Variants in C12orf50 observed in about 807,000 individuals in gnomAD.
The protein encoded by C12orf50 is zinc finger CCCH-type containing 11D, also known as uncharacterized protein C12orf50.
A neutral mutation model predicts 61.6 loss-of-function variants in C12orf50; 35 were observed. That is an observed-to-expected ratio of 0.57 (90% CI 0.43 to 0.75). The LOEUF is 0.75. Among genes scored for constraint, C12orf50 ranks in the 30% least tolerant of loss-of-function variants. The probability of loss-of-function intolerance (pLI) is 0.00; values close to 1 mark genes in which losing one functional copy is unlikely to be tolerated. For synonymous variants in C12orf50, 178 were observed against 161.5 expected (o/e 1.10, Z -0.77); for missense variants, 475 against 488.5 (o/e 0.97, Z 0.26).
At chr12:88,026,822 T>C (rs991944114) in intron 2 of C12orf50, 129 bp downstream of exon 2, 23 of 1,433,184 alleles carry the variant, frequency 1.6e-5, no homozygotes, top group South Asian at 2.9e-5. Context: ...GTTGAAAAAA[T>C]TGCAAAATGC....
chr12:88,007,245 AATAT>A, intron 3 of C12orf50, among the ~76,000 whole-genome samples: 1 of 152,198 alleles, frequency 6.6e-6, no homozygotes, highest in Non-Finnish European at 1.5e-5. Context: ...TCTCTTTTAT[AATAT>A]TGTGAAATCT....
intron 7 of C12orf50, among the ~76,000 whole-genome samples, chr12:87,990,047 A>G (rs2031043679): frequency 6.6e-6 from 1 of 152,144 alleles, no homozygotes; most frequent in Admixed American, 6.6e-5. Context: ...TAGTGAAAAC[A>G]CACGCCTAAA....
At chr12:87,995,744 C>T (rs974643572) in intron 6 of C12orf50, among the ~76,000 whole-genome samples, 1 of 152,036 alleles carries the variant, frequency 6.6e-6, no homozygotes, top group East Asian at 1.9e-4. Flanking sequence ...CTATATGGTT[C>T]CCAAGGTTTG....
chr12:87,988,603 G>A (rs1335046984), intron 8 of C12orf50, among the ~76,000 whole-genome samples: 2 of 152,144 alleles, frequency 1.3e-5, no homozygotes, highest in Non-Finnish European at 2.9e-5. Context: ...CTGAGAAAAT[G>A]AGAGAAAGAT....
chr12:87,986,406 G>T lies in C12orf50; in HGVS notation c.828C>A (p.Val276=). The T allele has an allele frequency of 6.2e-7, 1 of 1,600,612 alleles. No individual in the cohort carries two copies. Among genetic ancestry groups the T allele is most frequent in the Non-Finnish European group, 8.5e-7 (1 of 1,175,738 alleles). ...CREDPSSMND[V]QPVKKPHFKG... ...TAAAATGAGGCTTCTTCACTGGCTG[G>T]ACATCATTCACTTAGAAAAGATACA... The change falls in exon 10 of 13, where the codon GTC becomes GTA. Residue 276 remains valine, a synonymous_variant. Coordinates refer to ENST00000298699, the MANE Select transcript of C12orf50 (RefSeq NM_152589.3).
chr12:88,009,967 G>C (rs2032034061), intron 3 of C12orf50, among the ~76,000 whole-genome samples: 1 of 151,928 alleles, frequency 6.6e-6, no homozygotes, highest in African/African-American at 2.4e-5. Context: ...ATCAATAATT[G>C]ACTCAAATTG....
At chr12:87,990,394 T>G (rs2031061932) in intron 7 of C12orf50, among the ~76,000 whole-genome samples, 1 of 152,218 alleles carries the variant, frequency 6.6e-6, no homozygotes, top group Admixed American at 6.5e-5. Flanking sequence ...AGTGATTGAT[T>G]ATACACAGTT....
At chr12:88,028,368 G>A (rs1261387570) in intron 1 of C12orf50, among the ~76,000 whole-genome samples, 1 of 152,152 alleles carries the variant, frequency 6.6e-6, no homozygotes, top group African/African-American at 2.4e-5. Flanking sequence ...CTTGAAACCA[G>A]ACATATCATC....
intron 3 of C12orf50, among the ~76,000 whole-genome samples, chr12:88,011,683 A>AT (rs1448817355): frequency 6.6e-6 from 1 of 152,118 alleles, no homozygotes; most frequent in Admixed American, 6.5e-5. Context: ...ACTATTCTTA[A>AT]TATTTGCCTA....
chr12:87,987,960 T>C lies in C12orf50; in HGVS notation c.707A>G (p.Lys236Arg). The change falls in exon 9 of 13, where the codon AAG (lysine) becomes AGG (arginine). Residue 236 changes from lysine (K) to arginine (R), a missense_variant. By Grantham distance (26) the Lys-to-Arg change is conservative (BLOSUM62 2). Transcript: ENST00000298699. ...ISKCSNTKDN[K>R]DSPHPKHSLT... is the part of the protein sequence containing the mutation. ...GGAATGCTTTGGATGAGGACTGTCCTTGTTATCTTTTAAAGCAAATTAAGA... is the reference window on the plus strand; with the variant it reads ...GGAATGCTTTGGATGAGGACTGTCCCTGTTATCTTTTAAAGCAAATTAAGA... 2 of 1,576,510 alleles carry C rather than the reference T, an allele frequency of 1.3e-6. No homozygotes were observed. The highest frequency in any genetic ancestry group is 2.3e-5 in the South Asian group (2 of 86,368).
Position 88,026,508 on chromosome 12 carries a change from A to T in C12orf50, c.113T>A (p.Leu38Ter), listed in dbSNP as rs201084117. The change falls in exon 3 of 13, where the codon TTA (leucine) becomes TAA (stop). Residue 38 changes from leucine to a stop codon, truncating the protein, a stop_gained. Transcript: ENST00000298699. LOFTEE classifies it high-confidence loss of function. The part of the protein sequence containing the change: ...YHSKPRNING[L>*]FLPPSSNITL... ...CTCACTGCTACTTGGTGGCAAAAAT[A>T]ATCCATTGATATTTCGAGGTTTGCT... The T allele has an allele frequency of 6.2e-7, 1 of 1,613,870 alleles. No homozygotes were observed. The highest frequency in any genetic ancestry group is 1.7e-5 in the Admixed American group (1 of 59,990).
intron 2 of C12orf50, 67 bp from the exon 3 acceptor site, chr12:88,026,675 T>C (rs2032719701): frequency 6.4e-7 from 1 of 1,568,950 alleles, no homozygotes; most frequent in South Asian, 1.1e-5. Flanking sequence ...TACAATGTGC[T>C]ACAATACAGC....
intron 12 of C12orf50, among the ~76,000 whole-genome samples, chr12:87,980,895 C>T (rs1363124881): frequency 6.6e-6 from 1 of 152,158 alleles, no homozygotes; most frequent in Non-Finnish European, 1.5e-5. Context: ...TGCCTCCTTT[C>T]CTCCAGTAGT....
At chr12:88,002,627 T>C (rs980368156) in intron 3 of C12orf50, among the ~76,000 whole-genome samples, 1 of 151,702 alleles carries the variant, frequency 6.6e-6, no homozygotes, top group Non-Finnish European at 1.5e-5. Flanking sequence ...AGACAGCATA[T>C]AGTTTTATCT....
In C12orf50 at chr12:87,992,917, A is replaced by G. The variant is rs142584299; in HGVS notation, c.592+1716T>C. 6.0e-3 allele frequency among the ~76,000 whole-genome samples: 917 copies of G among 152,288 alleles called. 13 individuals are homozygous for G. Among genetic ancestry groups the G allele is most frequent in the African/African-American group, 0.021 (865 of 41,566 alleles). On this transcript the variant is annotated intron_variant, in intron 7 of 12. Coordinates refer to ENST00000298699, the MANE Select transcript of C12orf50 (RefSeq NM_152589.3). ...ATTAATTATAATTTCAGTTTTGATC[A>G]TCTTCATTTCAAAGATGTCTTATGA...
chr12:88,004,227 A>C (rs1019602967), intron 3 of C12orf50, among the ~76,000 whole-genome samples: 3 of 152,182 alleles, frequency 2.0e-5, no homozygotes, highest in African/African-American at 7.2e-5. Context: ...TTACTGCTTT[A>C]AATCATTGTC....
At position 88,025,727 on chromosome 12, in the gene C12orf50, A is replaced by C. The variant is rs569444422; in HGVS notation, c.133+761T>G. 1.8e-4 allele frequency among the ~76,000 whole-genome samples: 27 copies of C among 152,336 alleles called. 1 individual carries two copies. In the South Asian group the frequency reaches 4.8e-3, roughly 27 times the overall value. On this transcript the variant is annotated intron_variant, in intron 3 of 12. Transcript: ENST00000298699. ...GCACTCCAGCCTGGGTGACAGAGCG[A>C]GACTCCGTCTCAAAAAACAAACAAA...
chr12:87,985,081 T>C (rs900137773), intron 11 of C12orf50: 12 of 151,930 alleles, frequency 7.9e-5, no homozygotes, highest in Non-Finnish European at 2.9e-5. Flanking sequence ...TTAAAAAATT[T>C]ATTAAATTAT....
intron 3 of C12orf50, among the ~76,000 whole-genome samples, chr12:88,005,814 C>T (rs1046374250): frequency 6.6e-6 from 1 of 151,634 alleles, no homozygotes; most frequent in African/African-American, 2.4e-5. Flanking sequence ...TCCAGTATCC[C>T]CTTCTGGGAT....
Sources: gnomAD v4.1 joint callset for allele counts (sites outside exome capture counted in the v4.1 genomes callset) on GRCh38, gnomAD v4.1.1 for gene constraint, MANE v1.5 for transcripts, NCBI Gene and HGNC (gene_info 2026-07-23, HGNC 2026-07-21) for gene names.